PDE8A: variants seen among roughly 807,000 people sequenced by gnomAD.
PDE8A encodes the protein high affinity cAMP-specific and IBMX-insensitive 3',5'-cyclic phosphodiesterase 8A.
A neutral mutation model predicts 105.0 loss-of-function variants in PDE8A; 59 were observed. The ratio of observed to expected loss-of-function variants is 0.56; its 90% CI spans 0.46 to 0.70. The LOEUF is 0.70. Among genes scored for constraint, PDE8A ranks in the 30% least tolerant of loss-of-function variants. PDE8A has a pLI of 0.00. For missense variants in PDE8A, 1,014 were observed against 1,045.9 expected (o/e 0.97, Z 0.42); for synonymous variants, 355 against 371.9 (o/e 0.95, Z 0.52).
intron 1 of PDE8A, among the ~76,000 whole-genome samples, chr15:85,008,169 G>A (rs539140649): frequency 6.6e-6 from 1 of 152,056 alleles, no homozygotes; most frequent in Admixed American, 6.5e-5. Context: ...CTAATAGGGA[G>A]TGGTCTGGGC....
At chr15:85,134,173 C>T (rs1024917788) in intron 20 of PDE8A, among the ~76,000 whole-genome samples, 1 of 152,176 alleles carries the variant, frequency 6.6e-6, no homozygotes, top group African/African-American at 2.4e-5. Flanking sequence ...TCTTCACTGA[C>T]CTTCAGCCAG....
intron 1 of PDE8A, among the ~76,000 whole-genome samples, chr15:85,042,589 C>T (rs1019024115): frequency 3.3e-5 from 5 of 152,158 alleles, no homozygotes; most frequent in African/African-American, 1.2e-4. Flanking sequence ...AGCTTTCAGT[C>T]TCAAAACTCA....
intron 19 of PDE8A, among the ~76,000 whole-genome samples, chr15:85,123,734 C>G (rs576340555): frequency 6.6e-6 from 1 of 152,304 alleles, no homozygotes; most frequent in African/African-American, 2.4e-5. Context: ...ATTCTTCAAT[C>G]CAATCAAGTT....
chr15:85,041,985 G>A (rs1046654803), intron 1 of PDE8A, among the ~76,000 whole-genome samples: 1 of 151,948 alleles, frequency 6.6e-6, no homozygotes, highest in South Asian at 2.1e-4. Context: ...GTAAGCAAAT[G>A]ACTTCCTTGA....
rs118069622 is a variant in PDE8A, at chr15:84,991,953, G to A, written c.186+9605G>A. 5.8e-3 allele frequency among the ~76,000 whole-genome samples: 879 copies of A among 152,242 alleles called. 8 individuals carry two copies. Among genetic ancestry groups the A allele is most frequent in the Middle Eastern group, 0.014 (4 of 294 alleles). On this transcript the variant is annotated intron_variant, in intron 1 of 21. Coordinates refer to ENST00000394553, the MANE Select transcript of PDE8A (RefSeq NM_002605.3). ...ACTTGAGGCCAGGAGTTTGAGATCA[G>A]CCTGGACAACATAGCAAGACCCCAT...
intron 8 of PDE8A, 70 bp from the exon 9 acceptor site, chr15:85,097,878 T>C: frequency 1.2e-6 from 1 of 860,102 alleles, no homozygotes; most frequent in South Asian, 1.4e-5. Flanking sequence ...GAATCAGAAC[T>C]GAAGTGGAAA....
At chr15:85,108,250 A>G (rs2081973662) in intron 11 of PDE8A, among the ~76,000 whole-genome samples, 1 of 152,240 alleles carries the variant, frequency 6.6e-6, no homozygotes, top group Non-Finnish European at 1.5e-5. Context: ...GATCCTGTAC[A>G]TGAGCAGGGA....
chr15:85,087,949 G>A (rs1039765049), intron 6 of PDE8A, among the ~76,000 whole-genome samples: 3 of 152,076 alleles, frequency 2.0e-5, no homozygotes, highest in Admixed American at 1.3e-4. Flanking sequence ...CAGGTTATTT[G>A]ATCTTATTAT....
chr15:85,132,323 C>T (rs2082341178), intron 20 of PDE8A, among the ~76,000 whole-genome samples: 1 of 152,170 alleles, frequency 6.6e-6, no homozygotes, highest in Non-Finnish European at 1.5e-5. Context: ...TTGCTGAACT[C>T]ATAAGATGTG....
chr15:85,043,626 A>C (rs1012990531), intron 1 of PDE8A, among the ~76,000 whole-genome samples: 4 of 152,224 alleles, frequency 2.6e-5, no homozygotes, highest in Admixed American at 6.5e-5. Flanking sequence ...TACGATATTT[A>C]AGAACTAGAT....
intron 6 of PDE8A, among the ~76,000 whole-genome samples, chr15:85,086,267 G>C (rs1206391841): frequency 2.0e-5 from 3 of 152,162 alleles, no homozygotes; most frequent in Admixed American, 2.0e-4. Flanking sequence ...GGATGACGAA[G>C]TCATTATAAA....
chr15:84,982,653 C>T (rs1221099294), intron 1 of PDE8A, among the ~76,000 whole-genome samples: 2 of 152,128 alleles, frequency 1.3e-5, no homozygotes, highest in Non-Finnish European at 2.9e-5. Context: ...TTGACTGAGG[C>T]GCTTGCATCA....
chr15:85,001,607 C>G (rs566600634), intron 1 of PDE8A, among the ~76,000 whole-genome samples: 1 of 152,200 alleles, frequency 6.6e-6, no homozygotes, highest in South Asian at 2.1e-4. Context: ...TTGTTGAACT[C>G]CAGGAGGGAT....
At chr15:85,100,559 C>T (rs2081844909) in intron 11 of PDE8A, among the ~76,000 whole-genome samples, 2 of 152,164 alleles carry the variant, frequency 1.3e-5, no homozygotes, top group Non-Finnish European at 1.5e-5. Context: ...CTGACACTTA[C>T]CACTGCCAGC....
chr15:85,051,640 C>T (rs1443891310), intron 1 of PDE8A, among the ~76,000 whole-genome samples: 1 of 152,076 alleles, frequency 6.6e-6, no homozygotes, highest in Non-Finnish European at 1.5e-5. Context: ...CTGCCACAGG[C>T]CTCAGTGTGT....
intron 1 of PDE8A, among the ~76,000 whole-genome samples, chr15:84,988,628 C>T (rs924909521): frequency 1.3e-5 from 2 of 152,226 alleles, no homozygotes; most frequent in Admixed American, 1.3e-4. Context: ...CTTTCCATTG[C>T]CCTTTGCCTA....
chr15:85,056,664 T>C (rs983345851), intron 1 of PDE8A, among the ~76,000 whole-genome samples: 4 of 152,200 alleles, frequency 2.6e-5, no homozygotes, highest in Non-Finnish European at 5.9e-5. Context: ...CTCCATCAGG[T>C]CATTTAAGGT....
chr15:85,063,422 T>C (rs2081175820), intron 1 of PDE8A: 1 of 152,320 alleles, frequency 6.6e-6, no homozygotes, highest in South Asian at 2.1e-4. Context: ...AATTACAAAA[T>C]GTGTCTCTTC....
intron 14 of PDE8A, 136 bp downstream of exon 14, chr15:85,114,173 A>C (rs2082061381): frequency 2.8e-6 from 2 of 709,614 alleles, no homozygotes; most frequent in Non-Finnish European, 4.6e-6. Flanking sequence ...ACTCTCCTCC[A>C]TTGCCTGGGT....
Sources: allele counts gnomAD v4.1 joint callset (sites outside exome capture counted in the v4.1 genomes callset), GRCh38; gene constraint gnomAD v4.1.1; transcripts MANE v1.5; gene names NCBI Gene and HGNC (gene_info 2026-07-23, HGNC 2026-07-21).